Variants in PHF21A observed in about 807,000 individuals in gnomAD.
PHF21A encodes PHD finger protein 21A.
Under a neutral mutation model 82.5 loss-of-function variants are expected in PHF21A, and 11 were observed. The observed-to-expected ratio is 0.13, with a 90% confidence interval of 0.08 to 0.22. The LOEUF is 0.22. Ranked by LOEUF, PHF21A falls within the 10% of genes least tolerant of loss-of-function variation. The pLI, the probability that PHF21A is intolerant of heterozygous loss-of-function variation, is 1.00. For synonymous variants in PHF21A, 297 were observed against 302.8 expected, an observed-to-expected ratio of 0.98 and a Z score of 0.20; for missense variants, 579 against 837.8, an observed-to-expected ratio of 0.69 and a Z score of 3.81.
intron 10 of PHF21A, among the ~76,000 whole-genome samples, chr11:45,964,823 A>G (rs2093334952): frequency 6.6e-6 from 1 of 152,214 alleles, no homozygotes; most frequent in South Asian, 2.1e-4. Flanking sequence ...TCTAAAGTTA[A>G]AGAATGCTTT....
intron 6 of PHF21A, among the ~76,000 whole-genome samples, chr11:46,023,812 C>T (rs530451915): frequency 6.6e-6 from 1 of 152,134 alleles, no homozygotes; most frequent in Non-Finnish European, 1.5e-5. Flanking sequence ...AAAAATTAGC[C>T]AGGTGTGGTG....
rs1853185453 is a variant in PHF21A at position 46,121,181 on chromosome 11, A to ACTCTCTCTCTCTCTCTCTCACTCTCT, written c.-484_-483insAGAGAGTGAGAGAGAGAGAGAGAGAG. On this transcript the variant is annotated 5_prime_UTR_variant, in exon 1 of 19. Coordinates refer to ENST00000676320, the MANE Select transcript of PHF21A (RefSeq NM_001352027.3). ...CTCTCCTCTCCTCTCTCTCTCACTC[A>ACTCTCTCTCTCTCTCTCTCACTCTCT]CTCTCTCTCTCTCTCTCTCTCTGGG... The ACTCTCTCTCTCTCTCTCTCACTCTCT allele has an allele frequency of 1.6e-5, 2 of 126,258 alleles. No individual in the cohort carries two copies. Among genetic ancestry groups the ACTCTCTCTCTCTCTCTCTCACTCTCT allele is most frequent in the Non-Finnish European group, 3.3e-5 (2 of 61,532 alleles). 7.8% of individuals were successfully genotyped at this position (126,258 alleles called of 1,614,324 possible).
chr11:45,951,357 A>C (rs765628940), intron 11 of PHF21A, among the ~76,000 whole-genome samples: 3 of 152,246 alleles, frequency 2.0e-5, no homozygotes, highest in Non-Finnish European at 2.9e-5. Context: ...CTATTTGAAA[A>C]TAAACTTCTT....
chr11:45,953,369 C>T (rs1315144920), intron 11 of PHF21A, among the ~76,000 whole-genome samples, 158 bp downstream of exon 11: 1 of 152,192 alleles, frequency 6.6e-6, no homozygotes, highest in Non-Finnish European at 1.5e-5. Flanking sequence ...CCACTCTAGA[C>T]CAATCTGACT....
Position 46,121,347 on chromosome 11 carries a change from G to A in PHF21A, c.-649C>T, listed in dbSNP as rs1853227880. Among the ~76,000 whole-genome samples, 1 of 150,596 alleles carries A rather than the reference G, an allele frequency of 6.6e-6. No homozygotes were observed. The highest frequency in any genetic ancestry group is 2.4e-5 in the African/African-American group (1 of 40,944). ...CGGGAGGGGGGAATCAGAGCAGCAG[G>A]AGAGAAACTGTAGGAGACAAACAAG... On this transcript the variant is annotated 5_prime_UTR_variant, in exon 1 of 19. Coordinates refer to ENST00000676320, the MANE Select transcript of PHF21A (RefSeq NM_001352027.3).
intron 6 of PHF21A, among the ~76,000 whole-genome samples, chr11:46,010,158 C>T (rs1377272060): frequency 6.6e-6 from 1 of 152,164 alleles, no homozygotes; most frequent in Non-Finnish European, 1.5e-5. Context: ...AACTAAAGCT[C>T]TCTCCTGATA....
At chr11:45,945,066 T>C (rs2091091039) in intron 15 of PHF21A, among the ~76,000 whole-genome samples, 1 of 152,182 alleles carries the variant, frequency 6.6e-6, no homozygotes, top group Non-Finnish European at 1.5e-5. Context: ...CCCGGCCCCA[T>C]TTTTCTTCAT....
intron 6 of PHF21A, among the ~76,000 whole-genome samples, chr11:46,000,564 G>C (rs1240592590): frequency 6.6e-6 from 1 of 152,166 alleles, no homozygotes; most frequent in Non-Finnish European, 1.5e-5. Flanking sequence ...ATTGACCAAT[G>C]ATCTGTCAAA....
chr11:46,120,362 G>C (rs1852834407), intron 1 of PHF21A: 1 of 151,118 alleles, frequency 6.6e-6, no homozygotes. Context: ...ACAGCCGAGG[G>C]GGGGCGGGCG....
At chr11:45,949,748 T>G (rs937687996) in intron 12 of PHF21A, among the ~76,000 whole-genome samples, 2 of 152,232 alleles carry the variant, frequency 1.3e-5, no homozygotes, top group African/African-American at 4.8e-5. Flanking sequence ...TTGTCCTGAT[T>G]TTTAGACTGC....
intron 6 of PHF21A, among the ~76,000 whole-genome samples, chr11:46,051,488 C>T (rs950334389): frequency 1.3e-5 from 2 of 152,162 alleles, no homozygotes; most frequent in Non-Finnish European, 2.9e-5. Context: ...AGTGTCCAGA[C>T]TCCTTCTGGG....
In PHF21A at chr11:46,079,754, G is replaced by A. The variant is rs967656240; in HGVS notation, c.55-588C>T. On this transcript the variant is annotated intron_variant, in intron 4 of 18. Coordinates refer to ENST00000676320, the MANE Select transcript of PHF21A (RefSeq NM_001352027.3). ...AACAATACAAAACTCTATCTAACTC[G>A]ATTCCTCTGGGAAAGAGTGCTACCC... 5.3e-5 allele frequency among the ~76,000 whole-genome samples: 8 copies of A among 151,862 alleles called. 1 individual carries two copies. Among genetic ancestry groups the A allele is most frequent in the Non-Finnish European group, 1.2e-4 (8 of 68,020 alleles).
chr11:46,070,265 AACTT>A (rs1450021068), intron 6 of PHF21A, among the ~76,000 whole-genome samples: 1 of 152,230 alleles, frequency 6.6e-6, no homozygotes, highest in Non-Finnish European at 1.5e-5. Flanking sequence ...CGGCAAGATG[AACTT>A]ACTAAACCCA....
intron 10 of PHF21A, among the ~76,000 whole-genome samples, chr11:45,953,923 C>T (rs573362286): frequency 1.3e-5 from 2 of 152,226 alleles, no homozygotes; most frequent in African/African-American, 4.8e-5. Context: ...AAATACGGTA[C>T]AGGTTGTCCT....
intron 6 of PHF21A, among the ~76,000 whole-genome samples, chr11:45,993,207 ACTTT>A (rs1290442415): frequency 3.9e-5 from 6 of 152,206 alleles, no homozygotes; most frequent in Non-Finnish European, 8.8e-5. Context: ...CAAGAATCTT[ACTTT>A]CTGAGTAGAC....
intron 1 of PHF21A, among the ~76,000 whole-genome samples, chr11:46,107,939 G>A (rs2097169842): frequency 6.6e-6 from 1 of 151,914 alleles, no homozygotes; most frequent in Non-Finnish European, 1.5e-5. Context: ...ATGGGGATGA[G>A]GTCAGCCCAC....
At chr11:46,080,384 C>T (rs2096776071) in intron 4 of PHF21A, among the ~76,000 whole-genome samples, 1 of 151,858 alleles carries the variant, frequency 6.6e-6, no homozygotes, top group South Asian at 2.1e-4. Flanking sequence ...GTCTTGAACT[C>T]CTAGGCTCAA....
At chr11:45,965,211 G>T in intron 10 of PHF21A, 104 bp downstream of exon 10, 1 of 886,596 alleles carries the variant, frequency 1.1e-6, no homozygotes, top group Non-Finnish European at 1.7e-6. Context: ...GACAATGGTG[G>T]TGAGATGAAG....
In PHF21A at chr11:46,084,205, A is replaced by G. The variant is rs778241431; in HGVS notation, c.15T>C (p.Thr5=). The G allele has an allele frequency of 6.2e-7, 1 of 1,602,124 alleles. No homozygotes were observed. Among genetic ancestry groups the G allele is most frequent in the Non-Finnish European group, 8.5e-7 (1 of 1,176,336 alleles). Residue 5 remains threonine, a synonymous_variant, in exon 4 of 19, where the codon ACT becomes ACC. Coordinates refer to ENST00000676320, the MANE Select transcript of PHF21A (RefSeq NM_001352027.3). Reference sequence around the variant, plus strand: ...TTTCCACTTTAAGAGCCTCCTGTAGAGTCTGCAACTCCATCCTCTACCTTC... The same window carrying G: ...TTTCCACTTTAAGAGCCTCCTGTAGGGTCTGCAACTCCATCCTCTACCTTC... MELQ[T]LQEALKVEIQ... is the part of the protein sequence containing the mutation.
Sources: gnomAD v4.1 joint callset for allele counts (sites outside exome capture counted in the v4.1 genomes callset) on GRCh38, gnomAD v4.1.1 for gene constraint, MANE v1.5 for transcripts, NCBI Gene and HGNC (gene_info 2026-07-23, HGNC 2026-07-21) for gene names.